The following TAMM41 variants were observed in gnomAD, a reference collection of about 807,000 sequenced individuals.
TAMM41 encodes TAM41 mitochondrial translocator assembly and maintenance homolog.
TAMM41 carries 36 observed loss-of-function variants against 44.1 expected under a neutral mutation model. The ratio of observed to expected loss-of-function variants is 0.82; its 90% CI spans 0.63 to 1.08. TAMM41 has a LOEUF of 1.08. Ranked by LOEUF, TAMM41 falls within the 50% of genes least tolerant of loss-of-function variation. TAMM41 has a pLI of 0.00. For missense variants in TAMM41, 417 were observed against 404.3 expected (o/e 1.03, Z -0.27); for synonymous variants, 164 against 153.1 (o/e 1.07, Z -0.53).
At chr3:11,811,088 G>A (rs908597387) in intron 5 of TAMM41, 1 of 151,824 alleles carries the variant, frequency 6.6e-6, no homozygotes, top group Non-Finnish European at 1.5e-5. Flanking sequence ...AAACAAAAAA[G>A]TATATACCAA....
At position 11,846,748 on chromosome 3, in the gene TAMM41, G is replaced by C. The variant is rs1250403127; in HGVS notation, c.-112C>G. Reference sequence around the variant, plus strand: ...GGAAATGGAAGTCGGAGACTGGATCGAGGGACACAAGGCTGAGTGTGGGGT... The same window carrying C: ...GGAAATGGAAGTCGGAGACTGGATCCAGGGACACAAGGCTGAGTGTGGGGT... On this transcript the variant is annotated 5_prime_UTR_variant, in exon 1 of 8. Transcript: ENST00000455809. 1.4e-6 allele frequency: 2 copies of C among 1,386,704 alleles called. No homozygotes were observed. Among genetic ancestry groups the C allele is most frequent in the East Asian group, 2.3e-5 (1 of 43,370 alleles). The allele number at this position is 1,386,704 out of a possible 1,614,324, so 85.9% of individuals were successfully genotyped here. A position where few individuals can be genotyped will look rare whatever the true frequency, so the allele number is the denominator to read the frequency against.
the TAMM41 span, among the ~76,000 whole-genome samples, chr3:11,776,269 C>T: frequency 2.0e-5 from 3 of 151,992 alleles, no homozygotes; most frequent in East Asian, 3.9e-4. Context: ...CCGCCCACCT[C>T]GGCCTCCCAA....
At chr3:11,785,391 T>C in the TAMM41 span, among the ~76,000 whole-genome samples, 3 of 152,056 alleles carry the variant, frequency 2.0e-5, no homozygotes, top group Non-Finnish European at 4.4e-5. Context: ...AGTGGCGCAA[T>C]CTTGGCTCAC....
chr3:11,807,424 A>C (rs1395732746), intron 7 of TAMM41: 1 of 1,530,158 alleles, frequency 6.5e-7, no homozygotes, highest in Non-Finnish European at 8.7e-7. Flanking sequence ...CCATTTAGAG[A>C]AATGGCAGTA....
chr3:11,809,401 G>A (rs2078017561), intron 6 of TAMM41, 116 bp downstream of exon 6: 2 of 1,217,258 alleles, frequency 1.6e-6, no homozygotes, highest in African/African-American at 1.6e-5. Flanking sequence ...CTTCTTCTGA[G>A]AGGCAATCTC....
chr3:11,746,433 A>G, the TAMM41 span, among the ~76,000 whole-genome samples: 3 of 152,166 alleles, frequency 2.0e-5, no homozygotes, highest in African/African-American at 4.8e-5. Flanking sequence ...AGCTTTACCA[A>G]TAAGAGCCAA....
At chr3:11,819,242 C>G (rs1193522888) in intron 4 of TAMM41, among the ~76,000 whole-genome samples, 2 of 152,100 alleles carry the variant, frequency 1.3e-5, no homozygotes, top group African/African-American at 4.8e-5. Flanking sequence ...CAGAAACACA[C>G]AGGTAACGTT....
chr3:11,844,906 G>T, intron 1 of TAMM41: 1 of 456,686 alleles, frequency 2.2e-6, no homozygotes, highest in Non-Finnish European at 4.4e-6. Context: ...TCAGCATAGG[G>T]ATCAGATCAG....
At chr3:11,725,232 T>C in the TAMM41 span, among the ~76,000 whole-genome samples, 5 of 124,472 alleles carry the variant, frequency 4.0e-5, no homozygotes, top group African/African-American at 1.5e-4. Context: ...CTCTCCTCCT[T>C]CTCCTTCTCC....
rs534947239 is a variant in TAMM41, at chr3:11,829,840, C to T, written c.436G>A (p.Asp146Asn). The change falls in exon 4 of 8, where the codon GAT becomes AAT. Residue 146 changes from aspartate to asparagine, a missense_variant. Physicochemically the swap from Asp to Asn is conservative, Grantham distance 23. Transcript: ENST00000455809. Reference sequence around the variant, plus strand: ...TCGAGGGCTGATCTAAGAGTGACATCCTCGTTCACTGAGATAATTTTCACC... The same window carrying T: ...TCGAGGGCTGATCTAAGAGTGACATTCTCGTTCACTGAGATAATTTTCACC... ...KPVKIISVNE[D>N]VTLRSALDRN... 8.1e-6 allele frequency: 13 copies of T among 1,614,126 alleles called. 1 individual carries two copies. In the South Asian group the frequency reaches 1.4e-4, roughly 18 times the overall value.
chr3:11,783,818 G>A, the TAMM41 span, among the ~76,000 whole-genome samples: 1 of 152,302 alleles, frequency 6.6e-6, no homozygotes, highest in East Asian at 1.9e-4. Flanking sequence ...CTTGAATCCT[G>A]GTTCTACCAC....
chr3:11,753,828 A>ATAAAGAAGGAGATTGTATGTCTGACG, the TAMM41 span, among the ~76,000 whole-genome samples: 1 of 152,228 alleles, frequency 6.6e-6, no homozygotes, highest in Non-Finnish European at 1.5e-5. Context: ...GTGCACCCCA[A>ATAAAGAAGGAGATTGTATGTCTGACG]TAAAGAAGGA....
chr3:11,807,201 G>A, intron 7 of TAMM41: 1 of 1,406,082 alleles, frequency 7.1e-7, no homozygotes, highest in African/African-American at 1.4e-5. Flanking sequence ...CATTATGCAG[G>A]GAAGGAAAGG....
intron 7 of TAMM41, among the ~76,000 whole-genome samples, chr3:11,798,674 C>G (rs1208222177): frequency 6.6e-6 from 1 of 151,888 alleles, no homozygotes; most frequent in African/African-American, 2.4e-5. Flanking sequence ...AAAAAAAGAA[C>G]AAGGTGGAGA....
chr3:11,752,638 T>TG, the TAMM41 span, among the ~76,000 whole-genome samples: 1 of 119,676 alleles, frequency 8.4e-6, no homozygotes, highest in South Asian at 3.2e-4. Context: ...TTTTTTTTTT[T>TG]TTTTTTTTTT....
intron 5 of TAMM41, among the ~76,000 whole-genome samples, chr3:11,812,116 T>C (rs931898879): frequency 6.6e-6 from 1 of 151,998 alleles, no homozygotes; most frequent in African/African-American, 2.4e-5. Flanking sequence ...TTAGTAGAGA[T>C]GGGGTTTCAC....
chr3:11,809,159 G>A (rs925132368), intron 6 of TAMM41: 2 of 315,668 alleles, frequency 6.3e-6, no homozygotes, highest in African/African-American at 2.3e-5. Flanking sequence ...TGTTCTCGAT[G>A]TTATAAAAGC....
At chr3:11,742,583 C>T in the TAMM41 span, among the ~76,000 whole-genome samples, 11 of 148,560 alleles carry the variant, frequency 7.4e-5, 1 homozygote, top group South Asian at 2.1e-4. Context: ...ACATGCCCAT[C>T]GCTTGCTTTT....
At chr3:11,836,609 G>A (rs761198282) in intron 3 of TAMM41, among the ~76,000 whole-genome samples, 8 of 152,124 alleles carry the variant, frequency 5.3e-5, no homozygotes, top group East Asian at 3.9e-4. Flanking sequence ...GATTACTGGC[G>A]TGTGCCACCA....
Sources: gnomAD v4.1 joint callset for allele counts (sites outside exome capture counted in the v4.1 genomes callset) on GRCh38, gnomAD v4.1.1 for gene constraint, MANE v1.5 for transcripts, NCBI Gene and HGNC (gene_info 2026-07-23, HGNC 2026-07-21) for gene names.